Variants in TIGIT observed in about 807,000 individuals in gnomAD.
The protein encoded by TIGIT is T cell immunoreceptor with Ig and ITIM domains, also known as T-cell immunoreceptor with Ig and ITIM domains.
In TIGIT, 11 loss-of-function variants were observed where a neutral mutation model predicts 19.6. The observed-to-expected ratio is 0.56, with a 90% CI of 0.35 to 0.93. The LOEUF (loss-of-function observed/expected upper bound fraction) is 0.93, where lower values mean the gene tolerates loss of function less well. Ranked by LOEUF, TIGIT falls within the 40% of genes least tolerant of loss-of-function variation. TIGIT has a pLI of 0.01. For synonymous variants in TIGIT, 130 were observed against 125.5 expected, an observed-to-expected ratio of 1.04 and a Z score of -0.24; for missense variants, 295 against 303.9, an observed-to-expected ratio of 0.97 and a Z score of 0.22.
intron 2 of TIGIT, 81 bp downstream of exon 2, chr3:114,295,955 G>GATCA: frequency 8.5e-7 from 1 of 1,173,478 alleles, no homozygotes; most frequent in South Asian, 1.5e-5. Flanking sequence ...GCACAGCAGG[G>GATCA]CTTCTCAATT....
intron 3 of TIGIT, among the ~76,000 whole-genome samples, chr3:114,306,866 T>C (rs890789639): frequency 2.0e-5 from 3 of 152,186 alleles, no homozygotes; most frequent in Admixed American, 6.5e-5. Flanking sequence ...CCCTCCTATA[T>C]ACAGTGGAGC....
intron 3 of TIGIT, among the ~76,000 whole-genome samples, chr3:114,306,886 GTT>G (rs1206355406): frequency 6.6e-6 from 1 of 152,186 alleles, no homozygotes; most frequent in Admixed American, 6.5e-5. Flanking sequence ...CCATTGAAGA[GTT>G]TTAGGCAGAA....
At chr3:114,304,268 A>C (rs1246581637) in intron 3 of TIGIT, among the ~76,000 whole-genome samples, 1 of 152,098 alleles carries the variant, frequency 6.6e-6, no homozygotes. Context: ...TTTTTGTTTT[A>C]AAAAAACACT....
chr3:114,304,216 T>C (rs932958923), intron 3 of TIGIT, among the ~76,000 whole-genome samples: 15 of 152,198 alleles, frequency 9.9e-5, no homozygotes, highest in Non-Finnish European at 1.2e-4. Context: ...ACTCTGCTGA[T>C]TATTTCTTTT....
chr3:114,294,081 T>C lies in TIGIT; in HGVS notation c.20T>C (p.Leu7Pro), dbSNP rs1435416102. ...AGAAGCATGCGCTGGTGTCTCCTCC[T>C]GATCTGGGCCCAGGGGCTGAGGCAG... MRWCLL[L>P]IWAQGLRQAP... The change falls in exon 1 of 4, where the codon CTG (leucine) becomes CCG (proline). Residue 7 changes from leucine to proline, a missense_variant. Transcript: ENST00000383671. The C allele has an allele frequency of 5.1e-6, 8 of 1,554,154 alleles. No individual in the cohort carries two copies. The highest frequency in any genetic ancestry group is 4.7e-5 in the South Asian group (4 of 84,238).
intron 3 of TIGIT, among the ~76,000 whole-genome samples, chr3:114,301,461 A>G (rs1198901935): frequency 6.6e-6 from 1 of 152,246 alleles, no homozygotes; most frequent in Admixed American, 6.5e-5. Context: ...ATGATTGAAT[A>G]GAGGGGGGAG....
intron 2 of TIGIT, among the ~76,000 whole-genome samples, chr3:114,298,436 G>A (rs2078468877): frequency 6.6e-6 from 1 of 152,182 alleles, no homozygotes; most frequent in Non-Finnish European, 1.5e-5. Flanking sequence ...TCCCCAAGGT[G>A]TAAGAGAACC....
In TIGIT at chr3:114,308,140, G is replaced by C; in HGVS notation, c.*9G>C. The stretch of plus-strand genomic sequence containing the variant: ...TCACAGAGACTGGTTAGCAACCAGA[G>C]GCATCTTCTGGAAGATACACTTTTG... On this transcript the variant is annotated 3_prime_UTR_variant, in exon 4 of 4. Coordinates refer to ENST00000383671, the MANE Select transcript of TIGIT (RefSeq NM_173799.4). The C allele has an allele frequency of 6.2e-7, 1 of 1,608,072 alleles. No individual in the cohort carries two copies. Among genetic ancestry groups the C allele is most frequent in the South Asian group, 1.1e-5 (1 of 90,776 alleles).
intron 3 of TIGIT, among the ~76,000 whole-genome samples, chr3:114,305,814 A>C (rs1016684688): frequency 9.3e-5 from 14 of 151,172 alleles, no homozygotes; most frequent in African/African-American, 3.4e-4. Context: ...GGATGGATGG[A>C]TGGATGGATG....
intron 3 of TIGIT, among the ~76,000 whole-genome samples, chr3:114,303,530 TATATATATACAC>T (rs1560033487): frequency 1.7e-4 from 1 of 5,758 alleles, no homozygotes; most frequent in Non-Finnish European, 5.0e-4. Context: ...CATATATATG[TATATATATACAC>T]ATATATATGT....
At position 114,294,100 on chromosome 3, in the gene TIGIT, GAGGCAGGCTCCCCTCGCCTC is replaced by G. The variant is rs760753208; in HGVS notation, c.43_61+1del. On this transcript the variant is annotated frameshift_variant and splice_region_variant, in exon 1 of 4. Transcript: ENST00000383671. LOFTEE classifies it high-confidence loss of function. Reference sequence around the variant, plus strand: ...TCCTCCTGATCTGGGCCCAGGGGCTGAGGCAGGCTCCCCTCGCCTCAGGTAAGGCCTGAAACCCAGCAGAG... The same window carrying G: ...TCCTCCTGATCTGGGCCCAGGGGCTGAGGTAAGGCCTGAAACCCAGCAGAG... 6.4e-7 allele frequency: 1 copy of G among 1,555,276 alleles called. No individual in the cohort carries two copies. The highest frequency in any genetic ancestry group is 2.4e-5 in the East Asian group (1 of 41,652).
At position 114,308,231 on chromosome 3, in the gene TIGIT, GTGTGTA is replaced by G; in HGVS notation, c.*106_*111del. ...CCATCAGTGCTGCGTGTGTGTGTGT[GTGTGTA>G]TGTGTGTGTGTGTTCAGTTGAGTGA... On this transcript the variant is annotated 3_prime_UTR_variant, in exon 4 of 4. Transcript: ENST00000383671. 2.4e-6 allele frequency: 2 copies of G among 833,384 alleles called. No individual in the cohort carries two copies. Among genetic ancestry groups the G allele is most frequent in the Non-Finnish European group, 4.0e-6 (2 of 504,232 alleles). The allele number at this position is 833,384 out of a possible 1,614,324, so 51.6% of individuals were successfully genotyped here.
intron 3 of TIGIT, among the ~76,000 whole-genome samples, chr3:114,303,551 G>GTATATATATACACATATATATGTA (rs1560033540): frequency 0.027 from 155 of 5,758 alleles, 9 homozygotes; most frequent in African/African-American, 0.048. Flanking sequence ...ACATATATAT[G>GTATATATATACACATATATATGTA]TATATATATA....
intron 3 of TIGIT, among the ~76,000 whole-genome samples, chr3:114,304,686 C>T (rs997401771): frequency 2.0e-5 from 3 of 152,198 alleles, no homozygotes; most frequent in Admixed American, 2.0e-4. Flanking sequence ...TTAGCATGGG[C>T]TGAGATTTTA....
At chr3:114,303,523 A>G (rs2078506757) in intron 3 of TIGIT, among the ~76,000 whole-genome samples, 2 of 10,518 alleles carry the variant, frequency 1.9e-4, no homozygotes, top group Non-Finnish European at 3.5e-4. Flanking sequence ...ATATACACAT[A>G]TATATGTATA....
At chr3:114,300,053 A>C (rs1408321925) in intron 3 of TIGIT, among the ~76,000 whole-genome samples, 1 of 152,200 alleles carries the variant, frequency 6.6e-6, no homozygotes, top group African/African-American at 2.4e-5. Flanking sequence ...AGCTTTCTGC[A>C]CATTAGCTCT....
intron 1 of TIGIT, chr3:114,295,119 GA>G: frequency 9.8e-6 from 2 of 204,450 alleles, no homozygotes; most frequent in Non-Finnish European, 2.0e-5. Flanking sequence ...AATGTGAAAG[GA>G]AAAGGGAGGT....
In TIGIT at chr3:114,309,380, G is replaced by A. The variant is rs566854671; in HGVS notation, c.*1249G>A. ...TCCACCATCTCTCTCAGAGGAATGAGCGGGGAGGTTGGATTTACTGGTGAC... is the reference window on the plus strand; with the variant it reads ...TCCACCATCTCTCTCAGAGGAATGAACGGGGAGGTTGGATTTACTGGTGAC... On this transcript the variant is annotated 3_prime_UTR_variant, in exon 4 of 4. Coordinates refer to ENST00000383671, the MANE Select transcript of TIGIT (RefSeq NM_173799.4). 6 of 152,286 alleles carry A rather than the reference G, an allele frequency of 3.9e-5. No homozygotes were observed. The highest frequency in any genetic ancestry group is 8.8e-5 in the Non-Finnish European group (6 of 68,034). 9.4% of individuals were successfully genotyped at this position (152,286 alleles called of 1,614,324 possible). A position where few individuals can be genotyped will look rare whatever the true frequency, so the allele number is the denominator to read the frequency against.
intron 1 of TIGIT, among the ~76,000 whole-genome samples, chr3:114,295,238 G>A (rs1167496588): frequency 2.0e-5 from 3 of 152,108 alleles, no homozygotes; most frequent in Admixed American, 1.3e-4. Context: ...GAAGCATAGG[G>A]CAGTGGGTGG....
Sources: gnomAD v4.1 joint callset for allele counts (sites outside exome capture counted in the v4.1 genomes callset) on GRCh38, gnomAD v4.1.1 for gene constraint, MANE v1.5 for transcripts, NCBI Gene and HGNC (gene_info 2026-07-23, HGNC 2026-07-21) for gene names.